ATP2C1: variants seen among roughly 807,000 people sequenced by gnomAD.
ATP2C1 encodes the protein ATPase secretory pathway Ca2+ transporting 1.
Under a neutral mutation model 120.5 loss-of-function variants are expected in ATP2C1, and 31 were observed. That is an observed-to-expected ratio of 0.26 (90% CI 0.19 to 0.35). The LOEUF is 0.35. Among genes scored for constraint, ATP2C1 ranks in the 10% least tolerant of loss-of-function variants. The pLI, the probability that ATP2C1 is intolerant of heterozygous loss-of-function variation, is 1.00. For synonymous variants in ATP2C1, 351 were observed against 358.7 expected, an observed-to-expected ratio of 0.98 and a Z score of 0.24; for missense variants, 731 against 1,107.5, an observed-to-expected ratio of 0.66 and a Z score of 4.83.
At chr3:131,015,322 A>G (rs1419883082) in intron 26 of ATP2C1, 9 of 658,298 alleles carry the variant, frequency 1.4e-5, no homozygotes, top group Non-Finnish European at 2.2e-5. Flanking sequence ...TGGAGAGACA[A>G]ACAAAACACA....
chr3:130,857,477 G>A (rs766098502), intron 1 of ATP2C1, among the ~76,000 whole-genome samples: 4 of 152,096 alleles, frequency 2.6e-5, no homozygotes, highest in East Asian at 1.9e-4. Context: ...CTCCCAAACC[G>A]GTTGGTCTAC....
rs1012837866 is a variant in ATP2C1 at position 130,941,763 on chromosome 3, A to G, written c.531+64A>G. The G allele has an allele frequency of 2.3e-5, 30 of 1,306,318 alleles. No individual in the cohort carries two copies. The African/African-American group carries it at 3.9e-4, about 17-fold the overall frequency. The allele number at this position is 1,306,318 out of a possible 1,614,324, so 80.9% of individuals were successfully genotyped here. On this transcript the variant is annotated intron_variant, in intron 8 of 27. Transcript: ENST00000510168. ...GGATGTAGATTAAAGGATAAACATT[A>G]CTAGTTTTAAGGAATTAACACATAG...
At chr3:130,865,404 G>A (rs2068139614) in intron 1 of ATP2C1, among the ~76,000 whole-genome samples, 1 of 152,208 alleles carries the variant, frequency 6.6e-6, no homozygotes, top group South Asian at 2.1e-4. Flanking sequence ...GGACTTTTGG[G>A]TTAATGCTGA....
chr3:130,901,564 A>G (rs914796075), intron 2 of ATP2C1, among the ~76,000 whole-genome samples: 3 of 152,026 alleles, frequency 2.0e-5, no homozygotes, highest in African/African-American at 7.2e-5. Context: ...ATCAGACATG[A>G]CTGCAAGATG....
chr3:130,850,788 G>A (rs552826413), exon 1 of ATP2C1: 16 of 1,059,598 alleles, frequency 1.5e-5, no homozygotes, highest in Admixed American at 3.2e-5. Flanking sequence ...CTGACAAGGA[G>A]GTGCAGACAA....
chr3:130,860,709 A>C (rs1007953220), intron 1 of ATP2C1, among the ~76,000 whole-genome samples: 2 of 152,002 alleles, frequency 1.3e-5, no homozygotes, highest in Non-Finnish European at 2.9e-5. Context: ...ATACAGAGAT[A>C]CCTCCCATAG....
At chr3:130,871,499 G>C (rs1397566040) in intron 1 of ATP2C1, among the ~76,000 whole-genome samples, 3 of 152,286 alleles carry the variant, frequency 2.0e-5, no homozygotes, top group Admixed American at 2.0e-4. Flanking sequence ...AGGTGGGAGG[G>C]ACCACACTTT....
chr3:130,867,809 C>G, intron 1 of ATP2C1, among the ~76,000 whole-genome samples: 1 of 113,834 alleles, frequency 8.8e-6, no homozygotes, highest in Non-Finnish European at 1.9e-5. Flanking sequence ...AAGTGAGGAG[C>G]GTCTCTGCCC....
Position 131,000,391 on chromosome 3 carries a change from A to T in ATP2C1, c.2629+732A>T, listed in dbSNP as rs184300969. ...CATATTCACATTTCTTCCTCTTTTT[A>T]AAAAAATGGCATTTTAAGGAAACAT... On this transcript the variant is annotated intron_variant, in intron 27 of 27. Coordinates refer to ENST00000510168, the MANE Select transcript of ATP2C1 (RefSeq NM_001378687.1). Among the ~76,000 whole-genome samples the T allele has an allele frequency of 3.9e-3, 598 of 152,248 alleles. 2 individuals carry two copies. The highest frequency in any genetic ancestry group is 0.013 in the African/African-American group (538 of 41,544).
chr3:130,850,680 G>A, exon 1 of ATP2C1: 1 of 461,250 alleles, frequency 2.2e-6, no homozygotes, highest in Non-Finnish European at 3.8e-6. Flanking sequence ...GAAACAGCAA[G>A]GAGAACATTT....
At position 130,969,539 on chromosome 3, in the gene ATP2C1, T is replaced by C. The variant is rs2061200178; in HGVS notation, c.1413+143T>C. 7.2e-6 allele frequency: 5 copies of C among 690,388 alleles called. No individual in the cohort carries two copies. In the East Asian group the frequency reaches 1.4e-4, roughly 19 times the overall value. 42.8% of individuals were successfully genotyped at this position (690,388 alleles called of 1,614,324 possible). On this transcript the variant is annotated intron_variant, in intron 17 of 27. Coordinates refer to ENST00000510168, the MANE Select transcript of ATP2C1 (RefSeq NM_001378687.1). ...ACATGTAATTAATAGTACACTCATC[T>C]CTTAATTGTTTGTGTTCTCTTTGAT...
At chr3:130,891,032 G>A (rs192688094), upstream of ATP2C1, among the ~76,000 whole-genome samples, 4 of 152,248 alleles carry the variant, frequency 2.6e-5, no homozygotes, top group Admixed American at 6.5e-5. Context: ...TGCTATGATG[G>A]CATCATTGCA....
At chr3:130,915,222 T>C (rs2058629286) in intron 2 of ATP2C1, among the ~76,000 whole-genome samples, 2 of 151,936 alleles carry the variant, frequency 1.3e-5, no homozygotes, top group Non-Finnish European at 2.9e-5. Flanking sequence ...GCCTCCCAAG[T>C]AGCTAGGATT....
At chr3:130,982,791 G>A (rs1480743626) in intron 20 of ATP2C1, among the ~76,000 whole-genome samples, 3 of 151,958 alleles carry the variant, frequency 2.0e-5, no homozygotes, top group Admixed American at 2.0e-4. Flanking sequence ...TTCATTAGTG[G>A]TATATGTTCA....
intron 24 of ATP2C1, among the ~76,000 whole-genome samples, chr3:130,997,387 C>T (rs2108928137): frequency 6.6e-6 from 1 of 152,210 alleles, no homozygotes; most frequent in South Asian, 2.1e-4. Context: ...AGTTGATTAT[C>T]TATCCCCTAT....
intron 1 of ATP2C1, among the ~76,000 whole-genome samples, chr3:130,880,985 T>G (rs1360209581): frequency 6.6e-6 from 1 of 152,222 alleles, no homozygotes; most frequent in African/African-American, 2.4e-5. Flanking sequence ...AGAAAATATC[T>G]GACTTCCAGC....
chr3:130,974,985 G>A (rs187103378), intron 17 of ATP2C1, among the ~76,000 whole-genome samples: 4 of 152,262 alleles, frequency 2.6e-5, no homozygotes, highest in East Asian at 1.9e-4. Context: ...AGATATAGAC[G>A]TATATAGTAG....
chr3:130,983,288 G>A lies in ATP2C1; in HGVS notation c.1839+2609G>A, dbSNP rs548788630. On this transcript the variant is annotated intron_variant, in intron 20 of 27. Transcript: ENST00000510168. ...TACCTTATGAAAGATAGGCAGCACCGCTTTAAAAATTCTAATAATTAATAA... is the reference window on the plus strand; with the variant it reads ...TACCTTATGAAAGATAGGCAGCACCACTTTAAAAATTCTAATAATTAATAA... Among the ~76,000 whole-genome samples, 8 of 152,188 alleles carry A rather than the reference G, an allele frequency of 5.3e-5. No individual in the cohort carries two copies. In the South Asian group the frequency reaches 6.2e-4, roughly 12 times the overall value.
chr3:130,963,645 T>C (rs1351999125), intron 12 of ATP2C1: 1 of 304,392 alleles, frequency 3.3e-6, no homozygotes, highest in African/African-American at 2.2e-5. Flanking sequence ...CATTTGTAGT[T>C]ATCTGTATTT....
Sources: gnomAD v4.1 joint callset for allele counts (sites outside exome capture counted in the v4.1 genomes callset) on GRCh38, gnomAD v4.1.1 for gene constraint, MANE v1.5 for transcripts, NCBI Gene and HGNC (gene_info 2026-07-23, HGNC 2026-07-21) for gene names.